The following KIF13A variants were observed in gnomAD, a reference collection of about 807,000 sequenced individuals.
The protein encoded by KIF13A is kinesin-like protein KIF13A.
A neutral mutation model predicts 212.2 loss-of-function variants in KIF13A; 79 were observed. The observed-to-expected ratio is 0.37, with a 90% CI of 0.31 to 0.45. The LOEUF is 0.45. Among genes scored for constraint, KIF13A ranks in the 20% least tolerant of loss-of-function variants. The pLI is 1.00. For missense variants in KIF13A, 1,901 were observed against 2,209.0 expected, an observed-to-expected ratio of 0.86 and a Z score of 2.79; for synonymous variants, 789 against 808.6, an observed-to-expected ratio of 0.98 and a Z score of 0.41.
At position 17,794,227 on chromosome 6, in the gene KIF13A, A is replaced by G. The variant is rs1561980028; in HGVS notation, c.3222+22T>C. 5.0e-6 allele frequency: 8 copies of G among 1,596,766 alleles called. No individual in the cohort carries two copies. Among genetic ancestry groups the G allele is most frequent in the Non-Finnish European group, 6.9e-6 (8 of 1,166,982 alleles). ...CATTAACCAAGCTTTGTTAAATACT[A>G]TTTTAAGTCTGCTTGTCTTACCTGG... On this transcript the variant is annotated intron_variant, in intron 25 of 38. Coordinates refer to ENST00000259711, the MANE Select transcript of KIF13A (RefSeq NM_022113.6). The surrounding 1 kb of genome is among the most constrained non-coding windows in gnomAD (Gnocchi z 4.1).
At chr6:17,975,422 G>A (rs1006886328) in intron 2 of KIF13A, among the ~76,000 whole-genome samples, 1 of 152,094 alleles carries the variant, frequency 6.6e-6, no homozygotes, top group Non-Finnish European at 1.5e-5. Context: ...TCCTTTTGGT[G>A]GGTTCGTGAT....
At chr6:17,950,469 G>C (rs1777753020) in intron 2 of KIF13A, 1 of 983,760 alleles carries the variant, frequency 1.0e-6, no homozygotes, top group South Asian at 4.7e-5. Context: ...GAATTTCACT[G>C]GTCAAATTTA....
intron 17 of KIF13A, among the ~76,000 whole-genome samples, chr6:17,813,251 G>A (rs554969303): frequency 3.9e-5 from 6 of 152,124 alleles, no homozygotes; most frequent in East Asian, 3.9e-4. Context: ...AGGCTGAGGC[G>A]GGCGGATCAC....
In KIF13A at chr6:17,826,417, G is replaced by A. The variant is rs543349223; in HGVS notation, c.1533-293C>T. 1.1e-3 allele frequency among the ~76,000 whole-genome samples: 175 copies of A among 152,284 alleles called. 1 individual carries two copies. The highest frequency in any genetic ancestry group is 3.3e-3 in the South Asian group (16 of 4,818). On this transcript the variant is annotated intron_variant, in intron 14 of 38. Transcript: ENST00000259711. The surrounding 1 kb of genome is among the most constrained non-coding windows in gnomAD (Gnocchi z 4.7). ...CAAAATTTGAGCTGAACCTGATCAA[G>A]CTTCCACATTTAAATGCCAATTTAG... is the stretch of plus-strand genomic sequence containing the variant.
At chr6:17,933,615 T>C (rs1776197652) in intron 2 of KIF13A, among the ~76,000 whole-genome samples, 1 of 152,092 alleles carries the variant, frequency 6.6e-6, no homozygotes, top group Non-Finnish European at 1.5e-5. Flanking sequence ...ATCAGAATGA[T>C]CAAACCAACA....
chr6:17,881,858 T>C (rs1411155900), intron 3 of KIF13A: 2 of 368,780 alleles, frequency 5.4e-6, no homozygotes, highest in Non-Finnish European at 5.4e-6. Flanking sequence ...TAGCTGGGTA[T>C]GGTGGCATGT....
chr6:17,833,082 A>C (rs1173727810), intron 12 of KIF13A, among the ~76,000 whole-genome samples: 2 of 151,946 alleles, frequency 1.3e-5, no homozygotes, highest in African/African-American at 2.4e-5. Flanking sequence ...AAGAGCAGGA[A>C]ATATGAATGA....
At position 17,776,135 on chromosome 6, in the gene KIF13A, C is replaced by T. The variant is rs552583757; in HGVS notation, c.4171-1073G>A. On this transcript the variant is annotated intron_variant, in intron 34 of 38. Transcript: ENST00000259711. The surrounding 1 kb of genome is among the most constrained non-coding windows in gnomAD (Gnocchi z 4.6). The stretch of plus-strand genomic sequence containing the variant: ...TCAGGTGATCTGCCCACCTCAGCCT[C>T]CCAAAGTGCTGGGATTATAAGCGTG... Among the ~76,000 whole-genome samples the T allele has an allele frequency of 1.1e-4, 16 of 152,304 alleles. No individual in the cohort carries two copies. The highest frequency in any genetic ancestry group is 3.6e-4 in the African/African-American group (15 of 41,562).
chr6:17,952,637 T>A (rs1777965275), intron 2 of KIF13A, among the ~76,000 whole-genome samples: 1 of 143,808 alleles, frequency 7.0e-6, no homozygotes, highest in African/African-American at 2.6e-5. Flanking sequence ...AGAGACTCTG[T>A]AAGAAAAGAA....
At chr6:17,762,573 T>C (rs1473522864), downstream of KIF13A, among the ~76,000 whole-genome samples, 1 of 152,168 alleles carries the variant, frequency 6.6e-6, no homozygotes, top group African/African-American at 2.4e-5. Flanking sequence ...TGTAGCACCT[T>C]TAGGTTTGAG....
At position 17,833,968 on chromosome 6, in the gene KIF13A, A is replaced by C. The variant is rs1376485977; in HGVS notation, c.1259T>G (p.Ile420Arg). 3 of 1,553,584 alleles carry C rather than the reference A, an allele frequency of 1.9e-6. No individual in the cohort carries two copies. The highest frequency in any genetic ancestry group is 2.6e-6 in the Non-Finnish European group (3 of 1,146,458). ...GCTAAATTATCAAGCTACCTGTGCT[A>C]TCTCTTCTGTTTTTCTCAGCTTCTC... ...WEEKLRKTEEIAQERQRQLES... is the reference protein window; with the variant it reads ...WEEKLRKTEERAQERQRQLES... Residue 420 changes from isoleucine to arginine, a missense_variant, in exon 12 of 39, where the codon ATA becomes AGA. Physicochemically the swap from Ile to Arg is moderately conservative, Grantham distance 97. Around this residue, in one of 5 missense-constraint regions of KIF13A, gnomAD observed 506 missense variants for 637.4 expected, o/e 0.79. Coordinates refer to ENST00000259711, the MANE Select transcript of KIF13A (RefSeq NM_022113.6).
In KIF13A at chr6:17,787,728, G is replaced by A. The variant is rs768058096; in HGVS notation, c.3361+48C>T. 6.5e-6 allele frequency: 7 copies of A among 1,083,410 alleles called. No homozygotes were observed. The highest frequency in any genetic ancestry group is 1.5e-5 in the African/African-American group (1 of 64,536). The allele number at this position is 1,083,410 out of a possible 1,614,324, so 67.1% of individuals were successfully genotyped here. The stretch of plus-strand genomic sequence containing the variant: ...GAAGAAAACGACCTACTGCCATTGT[G>A]TAAAAGTGAAAAAGCTACTCCCCAT... On this transcript the variant is annotated intron_variant, in intron 27 of 38. Coordinates refer to ENST00000259711, the MANE Select transcript of KIF13A (RefSeq NM_022113.6). The surrounding 1 kb of genome is among the most constrained non-coding windows in gnomAD (Gnocchi z 4.6).
At chr6:17,887,801 C>T (rs554325316) in intron 3 of KIF13A, among the ~76,000 whole-genome samples, 2 of 152,186 alleles carry the variant, frequency 1.3e-5, no homozygotes, top group African/African-American at 4.8e-5. Flanking sequence ...TCAAGCAATT[C>T]TCCTGCCTCA....
At chr6:17,774,941 T>A (rs2150297390) in intron 35 of KIF13A, 74 bp downstream of exon 35, 1 of 1,233,574 alleles carries the variant, frequency 8.1e-7, no homozygotes, top group East Asian at 2.5e-5. Flanking sequence ...CCAGAGATTT[T>A]AAAAACACCA....
rs545848793 is a variant in KIF13A at position 17,926,888 on chromosome 6, G to A, written c.147-28708C>T. Among the ~76,000 whole-genome samples, 6 of 152,092 alleles carry A rather than the reference G, an allele frequency of 3.9e-5. No homozygotes were observed. Among genetic ancestry groups the A allele is most frequent in the South Asian group, 2.1e-4 (1 of 4,812 alleles). On this transcript the variant is annotated intron_variant, in intron 2 of 38. Coordinates refer to ENST00000259711, the MANE Select transcript of KIF13A (RefSeq NM_022113.6). This position sits in a 1 kb window ranked among gnomAD's most constrained non-coding sequence, Gnocchi z 4.3. Reference sequence around the variant, plus strand: ...CGCGGTGGCTCATACCTGTAATCTCGGCACTTTGGGAGGTCGAGGCAGGCA... The same window carrying A: ...CGCGGTGGCTCATACCTGTAATCTCAGCACTTTGGGAGGTCGAGGCAGGCA...
chr6:17,798,978 G>A (rs981010622), intron 22 of KIF13A, among the ~76,000 whole-genome samples: 2 of 152,180 alleles, frequency 1.3e-5, no homozygotes, highest in Non-Finnish European at 2.9e-5. Flanking sequence ...CATATGTTAT[G>A]ACACACATAT....
intron 2 of KIF13A, among the ~76,000 whole-genome samples, chr6:17,974,841 A>C (rs1452715607): frequency 6.6e-6 from 1 of 152,212 alleles, no homozygotes; most frequent in Non-Finnish European, 1.5e-5. Flanking sequence ...TGTTTAAATC[A>C]ATGAAAATAA....
chr6:17,795,354 G>A (rs1228947721), intron 23 of KIF13A, among the ~76,000 whole-genome samples: 1 of 151,798 alleles, frequency 6.6e-6, no homozygotes, highest in Admixed American at 6.6e-5. Context: ...AGGCCAAGGC[G>A]GGTGGATCAC....
intron 16 of KIF13A, chr6:17,821,840 G>A (rs1764481535): frequency 6.5e-7 from 1 of 1,535,228 alleles, no homozygotes; most frequent in South Asian, 1.2e-5. Flanking sequence ...AGAGGAAAGA[G>A]GATCTTCAAA....
Sources: gnomAD v4.1 joint callset for allele counts (sites outside exome capture counted in the v4.1 genomes callset) on GRCh38, gnomAD v4.1.1 for gene constraint, gnomAD v4.1.1 regional missense constraint, Gnocchi (gnomAD v3.1) non-coding constraint, MANE v1.5 for transcripts, NCBI Gene and HGNC (gene_info 2026-07-23, HGNC 2026-07-21) for gene names.